The following PLPPR1 variants were observed in gnomAD, a reference collection of about 807,000 sequenced individuals.
The protein encoded by PLPPR1 is phospholipid phosphatase related 1, also known as phospholipid phosphatase-related protein type 1.
Under a neutral mutation model 33.1 loss-of-function variants are expected in PLPPR1, and 10 were observed. That is an observed-to-expected ratio of 0.30 (90% CI 0.19 to 0.51). The LOEUF is 0.51. Ranked by LOEUF, PLPPR1 falls within the 20% of genes least tolerant of loss-of-function variation. The pLI is 0.97. For missense variants in PLPPR1, 304 were observed against 408.1 expected (o/e 0.74, Z 2.20); for synonymous variants, 151 against 151.0 (o/e 1.00, Z 0.00).
intron 1 of PLPPR1, among the ~76,000 whole-genome samples, chr9:101,134,151 T>C (rs1831349542): frequency 6.6e-6 from 1 of 152,210 alleles, no homozygotes; most frequent in Admixed American, 6.5e-5. Flanking sequence ...TTCTACTGTA[T>C]AAAGATGAAG....
intron 1 of PLPPR1, among the ~76,000 whole-genome samples, chr9:101,030,047 C>T (rs1370198672): frequency 2.0e-5 from 3 of 151,952 alleles, no homozygotes; most frequent in Non-Finnish European, 4.4e-5. Context: ...TGTCTGCTAT[C>T]TAGTTGGTGG....
At chr9:101,298,195 G>C (rs954128449) in intron 4 of PLPPR1, among the ~76,000 whole-genome samples, 1 of 152,108 alleles carries the variant, frequency 6.6e-6, no homozygotes, top group African/African-American at 2.4e-5. Flanking sequence ...CACTAAAATA[G>C]CTTGTCATCC....
chr9:101,324,188 C>A lies in PLPPR1; in HGVS notation c.*131C>A. Reference sequence around the variant, plus strand: ...TCTAGTTAGAAGCTAATGTTTTGTACATTTTTTGTATGAGGAAGTGATGTA... The same window carrying A: ...TCTAGTTAGAAGCTAATGTTTTGTAAATTTTTTGTATGAGGAAGTGATGTA... On this transcript the variant is annotated 3_prime_UTR_variant, in exon 8 of 8. Transcript: ENST00000374874. 6.3e-5 allele frequency: 39 copies of A among 614,434 alleles called. No homozygotes were observed. The highest frequency in any genetic ancestry group is 9.3e-5 in the Non-Finnish European group (35 of 378,198). The allele number at this position is 614,434 out of a possible 1,614,324, so 38.1% of individuals were successfully genotyped here. A position where few individuals can be genotyped will look rare whatever the true frequency, so the allele number is the denominator to read the frequency against.
chr9:101,149,335 C>G (rs1471402026), intron 1 of PLPPR1, among the ~76,000 whole-genome samples: 1 of 152,140 alleles, frequency 6.6e-6, no homozygotes, highest in Non-Finnish European at 1.5e-5. Flanking sequence ...AGAGTTCAGT[C>G]TTTAAAAATC....
chr9:101,038,715 T>A (rs1332320032), intron 1 of PLPPR1, among the ~76,000 whole-genome samples: 1 of 152,126 alleles, frequency 6.6e-6, no homozygotes, highest in Non-Finnish European at 1.5e-5. Flanking sequence ...AAATACTAGC[T>A]TGAGCAACGG....
At chr9:101,075,031 C>T (rs1033705192) in intron 1 of PLPPR1, among the ~76,000 whole-genome samples, 5 of 152,086 alleles carry the variant, frequency 3.3e-5, no homozygotes, top group South Asian at 2.1e-4. Flanking sequence ...ACAACAGTTG[C>T]GGGAAACTGC....
intron 2 of PLPPR1, among the ~76,000 whole-genome samples, chr9:101,243,814 C>G (rs12337083): frequency 6.6e-6 from 1 of 151,810 alleles, no homozygotes; most frequent in Non-Finnish European, 1.5e-5. Flanking sequence ...AAAGTAAGGT[C>G]TAGAACTTAG....
intron 1 of PLPPR1, among the ~76,000 whole-genome samples, chr9:101,045,432 A>T (rs185330886): frequency 6.6e-6 from 1 of 152,354 alleles, no homozygotes. Flanking sequence ...GAAGTGAATG[A>T]GTAAGTGAAC....
chr9:101,036,720 A>G (rs1166718841), intron 1 of PLPPR1, among the ~76,000 whole-genome samples: 1 of 143,030 alleles, frequency 7.0e-6, no homozygotes, highest in Non-Finnish European at 1.5e-5. Context: ...AAAAAAAAAA[A>G]AGAAGAGGAA....
chr9:101,210,107 G>A (rs974350098), intron 2 of PLPPR1, among the ~76,000 whole-genome samples: 1 of 152,170 alleles, frequency 6.6e-6, no homozygotes, highest in East Asian at 1.9e-4. Context: ...ATTGCTTTAA[G>A]TTGTGGTCAT....
At chr9:101,044,474 T>C (rs1453616052) in intron 1 of PLPPR1, among the ~76,000 whole-genome samples, 1 of 152,202 alleles carries the variant, frequency 6.6e-6, no homozygotes, top group African/African-American at 2.4e-5. Context: ...CTGAGAATTT[T>C]CTTAACCCCT....
At chr9:101,121,747 A>T (rs925338155) in intron 1 of PLPPR1, among the ~76,000 whole-genome samples, 1 of 152,208 alleles carries the variant, frequency 6.6e-6, no homozygotes, top group Non-Finnish European at 1.5e-5. Context: ...CAAAAATTTT[A>T]TAACCAGCTA....
chr9:101,030,010 A>G (rs924496676), intron 1 of PLPPR1, among the ~76,000 whole-genome samples: 1 of 149,372 alleles, frequency 6.7e-6, no homozygotes, highest in Non-Finnish European at 1.5e-5. Flanking sequence ...TTTCCTTTCA[A>G]CCTCTTTCCT....
intron 4 of PLPPR1, among the ~76,000 whole-genome samples, chr9:101,287,605 A>G (rs1198332935): frequency 6.6e-6 from 1 of 152,114 alleles, no homozygotes; most frequent in Non-Finnish European, 1.5e-5. Context: ...GGTTCAAGCG[A>G]TTCTCCTGTC....
intron 2 of PLPPR1, among the ~76,000 whole-genome samples, chr9:101,224,363 G>A (rs1370121167): frequency 6.6e-6 from 1 of 152,074 alleles, no homozygotes; most frequent in Admixed American, 6.6e-5. Context: ...TCATGGTGGG[G>A]AACAATTAAA....
At chr9:101,174,356 C>T (rs527550656) in intron 1 of PLPPR1, among the ~76,000 whole-genome samples, 1 of 152,264 alleles carries the variant, frequency 6.6e-6, no homozygotes, top group African/African-American at 2.4e-5. Flanking sequence ...ATTAATTCAA[C>T]TTATCCTCTA....
intron 2 of PLPPR1, among the ~76,000 whole-genome samples, chr9:101,194,401 A>C (rs1220590147): frequency 6.6e-6 from 1 of 152,134 alleles, no homozygotes; most frequent in Non-Finnish European, 1.5e-5. Context: ...TGATGCATGT[A>C]GTTTTCTAAG....
chr9:101,301,913 C>T (rs1828761722), intron 4 of PLPPR1, among the ~76,000 whole-genome samples: 1 of 152,162 alleles, frequency 6.6e-6, no homozygotes, highest in Non-Finnish European at 1.5e-5. Context: ...GTTATAAAGT[C>T]CTTGCCTCTT....
At chr9:101,256,390 A>G (rs1296861064) in intron 2 of PLPPR1, among the ~76,000 whole-genome samples, 1 of 152,156 alleles carries the variant, frequency 6.6e-6, no homozygotes, top group South Asian at 2.1e-4. Context: ...AGAGATATAG[A>G]TGGTGATAGT....
Sources: gnomAD v4.1 joint callset for allele counts (sites outside exome capture counted in the v4.1 genomes callset) on GRCh38, gnomAD v4.1.1 for gene constraint, MANE v1.5 for transcripts, NCBI Gene and HGNC (gene_info 2026-07-23, HGNC 2026-07-21) for gene names.